ZRANB1: variants seen among roughly 807,000 people sequenced by gnomAD.
ZRANB1 encodes the protein zinc finger RANBP2-type containing 1.
Under a neutral mutation model 80.5 loss-of-function variants are expected in ZRANB1, and 16 were observed. The ratio of observed to expected loss-of-function variants is 0.20; its 90% CI spans 0.13 to 0.30. The LOEUF (loss-of-function observed/expected upper bound fraction) is 0.30. Ranked by LOEUF, ZRANB1 falls within the 10% of genes least tolerant of loss-of-function variation. ZRANB1 has a pLI of 1.00. For synonymous variants in ZRANB1, 291 were observed against 293.1 expected (o/e 0.99, Z 0.07); for missense variants, 576 against 862.6 (o/e 0.67, Z 4.16).
At chr10:124,939,750 A>G (rs1317455434), upstream of ZRANB1, among the ~76,000 whole-genome samples, 2 of 152,168 alleles carry the variant, frequency 1.3e-5, no homozygotes, top group African/African-American at 4.8e-5. Flanking sequence ...TTCCAGTAGC[A>G]TGAGCAAGTA....
At chr10:124,917,203 G>A in the ZRANB1 span, 2 of 172,436 alleles carry the variant, frequency 1.2e-5, no homozygotes, top group Non-Finnish European at 2.3e-5. Flanking sequence ...CGCCGCCGCC[G>A]CCGCCGCCGC....
At chr10:124,977,567 C>T (rs1951888911) in intron 5 of ZRANB1, among the ~76,000 whole-genome samples, 2 of 151,736 alleles carry the variant, frequency 1.3e-5, no homozygotes, top group Non-Finnish European at 2.9e-5. Flanking sequence ...AAAATTTAGC[C>T]AGGCGTGGTA....
chr10:124,929,406 G>C, the ZRANB1 span, among the ~76,000 whole-genome samples: 1 of 151,410 alleles, frequency 6.6e-6, no homozygotes, highest in African/African-American at 2.4e-5. Context: ...CGAGATCTCG[G>C]CTCACTGCAA....
chr10:124,922,319 A>AAT, the ZRANB1 span, among the ~76,000 whole-genome samples: 295 of 17,330 alleles, frequency 0.017, 3 homozygotes, highest in Admixed American at 0.026. Flanking sequence ...ATATATGTAA[A>AAT]ATATATGTAT....
the ZRANB1 span, among the ~76,000 whole-genome samples, chr10:124,919,267 C>T: frequency 6.6e-6 from 1 of 152,086 alleles, no homozygotes; most frequent in African/African-American, 2.4e-5. Flanking sequence ...GTCCACTGGC[C>T]GGGCCCGTGG....
chr10:124,983,115 A>T lies in ZRANB1; in HGVS notation c.1549-60A>T. Reference sequence around the variant, plus strand: ...TGAAGGGGAGGTAGTATTGTTTTTTACACATCAGTTTTCCAGGAGTGGTAA... The same window carrying T: ...TGAAGGGGAGGTAGTATTGTTTTTTTCACATCAGTTTTCCAGGAGTGGTAA... On this transcript the variant is annotated intron_variant, in intron 6 of 8. Transcript: ENST00000359653. This position sits in a 1 kb window ranked among gnomAD's most constrained non-coding sequence, Gnocchi z 6.2. 1.9e-6 allele frequency: 3 copies of T among 1,549,004 alleles called. No individual in the cohort carries two copies. Among genetic ancestry groups the T allele is most frequent in the Non-Finnish European group, 1.7e-6 (2 of 1,148,536 alleles).
chr10:124,973,657 T>C lies in ZRANB1; in HGVS notation c.1169T>C (p.Leu390Ser). The change falls in exon 4 of 9, where the codon TTG (leucine) becomes TCG (serine). Residue 390 changes from leucine to serine, a missense_variant. Coordinates refer to ENST00000359653, the MANE Select transcript of ZRANB1 (RefSeq NM_017580.3). ...TFTLPADIED[L>S]PPTVQEKLFD... The stretch of plus-strand genomic sequence containing the variant: ...ATTTTCTTTGTAGATATTGAAGATT[T>C]GCCCCCAACAGTCCAAGAAAAATTA... 1 of 1,611,098 alleles carries C rather than the reference T, an allele frequency of 6.2e-7. No individual in the cohort carries two copies. Among genetic ancestry groups the C allele is most frequent in the Non-Finnish European group, 8.5e-7 (1 of 1,179,266 alleles).
In ZRANB1 at chr10:124,983,384, G is replaced by C. The variant is rs905057328; in HGVS notation, c.1679-75G>C. On this transcript the variant is annotated intron_variant, in intron 7 of 8. Transcript: ENST00000359653. This position sits in a 1 kb window ranked among gnomAD's most constrained non-coding sequence, Gnocchi z 6.2. ...TGTCAGGAAGGAGCAGTGGACAGGG[G>C]AATGTGAACAAGGGCAGTGAGGGAG... 4 of 1,594,446 alleles carry C rather than the reference G, an allele frequency of 2.5e-6. No homozygotes were observed. In the African/African-American group the frequency reaches 5.4e-5, roughly 21 times the overall value.
the ZRANB1 span, among the ~76,000 whole-genome samples, chr10:124,924,910 G>GT: frequency 0.1 from 14,421 of 141,072 alleles, 766 homozygotes; most frequent in Admixed American, 0.18. Context: ...TCATTTTGCT[G>GT]TTTTTTTTTT....
intron 1 of ZRANB1, among the ~76,000 whole-genome samples, chr10:124,957,871 C>G (rs534632465): frequency 6.6e-6 from 1 of 152,090 alleles, no homozygotes; most frequent in Admixed American, 6.5e-5. Flanking sequence ...GGACTATAGG[C>G]GTGTGTGCCA....
At chr10:124,930,314 G>A in the ZRANB1 span, among the ~76,000 whole-genome samples, 1 of 152,182 alleles carries the variant, frequency 6.6e-6, no homozygotes, top group East Asian at 1.9e-4. Flanking sequence ...CGCCCAGGCT[G>A]GAGTGCAGTG....
chr10:124,954,358 T>A (rs567015600), intron 1 of ZRANB1, among the ~76,000 whole-genome samples: 5 of 151,074 alleles, frequency 3.3e-5, no homozygotes, highest in African/African-American at 4.9e-5. Context: ...ATCATATTAA[T>A]AGTTTTGAAC....
At chr10:124,928,266 G>C in the ZRANB1 span, among the ~76,000 whole-genome samples, 1 of 152,192 alleles carries the variant, frequency 6.6e-6, no homozygotes, top group African/African-American at 2.4e-5. Flanking sequence ...GGGACTAGCA[G>C]AGGCTACGGT....
chr10:124,951,213 C>G (rs147499995), intron 1 of ZRANB1, among the ~76,000 whole-genome samples: 1 of 151,856 alleles, frequency 6.6e-6, no homozygotes, highest in Non-Finnish European at 1.5e-5. Flanking sequence ...GAAACAAAAC[C>G]GTTGCAAAAT....
At chr10:124,931,757 C>T in the ZRANB1 span, among the ~76,000 whole-genome samples, 1 of 152,172 alleles carries the variant, frequency 6.6e-6, no homozygotes, top group Non-Finnish European at 1.5e-5. Flanking sequence ...CCTGCTGCCC[C>T]CATGTTTCCC....
the ZRANB1 span, among the ~76,000 whole-genome samples, chr10:124,924,984 T>G: frequency 1.3e-5 from 2 of 152,026 alleles, no homozygotes; most frequent in Admixed American, 6.6e-5. Context: ...CTCGGCTCAC[T>G]GCAACCTCCG....
the ZRANB1 span, among the ~76,000 whole-genome samples, chr10:124,928,858 T>C: frequency 1.3e-5 from 2 of 152,146 alleles, no homozygotes; most frequent in Admixed American, 6.6e-5. Context: ...TAAACTGATA[T>C]CTCAATGACA....
chr10:124,922,457 C>CT, the ZRANB1 span, among the ~76,000 whole-genome samples: 1 of 149,852 alleles, frequency 6.7e-6, no homozygotes, highest in Non-Finnish European at 1.5e-5. Context: ...TCCCCAGTAG[C>CT]TGAGACTACA....
chr10:124,976,059 G>T (rs1951873999), intron 5 of ZRANB1, among the ~76,000 whole-genome samples: 1 of 152,174 alleles, frequency 6.6e-6, no homozygotes, highest in South Asian at 2.1e-4. Flanking sequence ...GGGCACATTA[G>T]AGAAATAAAA....
Sources: allele counts gnomAD v4.1 joint callset (sites outside exome capture counted in the v4.1 genomes callset), GRCh38; gene constraint gnomAD v4.1.1; non-coding constraint Gnocchi (gnomAD v3.1); transcripts MANE v1.5; gene names NCBI Gene and HGNC (gene_info 2026-07-23, HGNC 2026-07-21).